Variants in GSDMC observed in about 807,000 individuals in gnomAD.
The protein encoded by GSDMC is gasdermin C.
GSDMC carries 59 observed loss-of-function variants against 58.0 expected under a neutral mutation model. The observed-to-expected ratio is 1.02, with a 90% CI of 0.82 to 1.26. The LOEUF is 1.26. Among genes scored for constraint, GSDMC ranks in the 50% most tolerant of loss-of-function variants. The pLI, the probability that GSDMC is intolerant of heterozygous loss-of-function variation, is 0.00. For missense variants in GSDMC, 659 were observed against 598.5 expected (o/e 1.10, Z -1.06); for synonymous variants, 241 against 220.2 (o/e 1.09, Z -0.83).
In GSDMC at chr8:129,777,545, C is replaced by G; in HGVS notation, c.43G>C (p.Glu15Gln). Residue 15 changes from glutamate to glutamine, a missense_variant, in exon 2 of 14, where the codon GAG becomes CAG. Physicochemically the swap from Glu to Gln is conservative, Grantham distance 29. Transcript: ENST00000276708. Reference sequence around the variant, plus strand: ...GGTGTCAGGTCTTTGCTTCCAATCTCTTTGACCAAATTTTTGCTAATGCGT... The same window carrying G: ...GGTGTCAGGTCTTTGCTTCCAATCTGTTTGACCAAATTTTTGCTAATGCGT... ...LERISKNLVKEIGSKDLTPVK... is the reference protein window; with the variant it reads ...LERISKNLVKQIGSKDLTPVK... 4 of 1,613,196 alleles carry G rather than the reference C, an allele frequency of 2.5e-6. No homozygotes were observed. The highest frequency in any genetic ancestry group is 3.4e-6 in the Non-Finnish European group (4 of 1,179,502).
intron 4 of GSDMC, 41 bp from the exon 5 acceptor site, chr8:129,762,772 A>G: frequency 7.4e-7 from 1 of 1,350,878 alleles, no homozygotes; most frequent in African/African-American, 1.4e-5. Flanking sequence ...AAATGTATGT[A>G]ATTTTAAAGG....
the GSDMC span, among the ~76,000 whole-genome samples, chr8:129,737,419 CA>C: frequency 1.1e-4 from 16 of 152,206 alleles, no homozygotes; most frequent in Non-Finnish European, 4.4e-5. Context: ...ACCAAAACAG[CA>C]TGGTACTGTT....
chr8:129,717,248 G>C, the GSDMC span, among the ~76,000 whole-genome samples: 1 of 118,228 alleles, frequency 8.5e-6, no homozygotes, highest in Non-Finnish European at 1.6e-5. Context: ...TCTGGTCCTG[G>C]GCTTTTTTTT....
chr8:129,761,809 A>G (rs2033673571), intron 5 of GSDMC, among the ~76,000 whole-genome samples: 1 of 152,128 alleles, frequency 6.6e-6, no homozygotes, highest in South Asian at 2.1e-4. Flanking sequence ...TAACTGAAAG[A>G]CTGGAGACAG....
chr8:129,722,864 C>T, the GSDMC span: 8 of 151,982 alleles, frequency 5.3e-5, no homozygotes, highest in South Asian at 2.1e-4. Flanking sequence ...TTGGGGCCAG[C>T]GAAAATTTTG....
Position 129,777,235 on chromosome 8 carries a change from C to T in GSDMC, c.220+133G>A. 5.1e-6 allele frequency: 3 copies of T among 592,796 alleles called. No homozygotes were observed. The South Asian group carries it at 6.7e-5, about 13-fold the overall frequency. The allele number at this position is 592,796 out of a possible 1,614,324, so 36.7% of individuals were successfully genotyped here. A position where few individuals can be genotyped will look rare whatever the true frequency, so the allele number is the denominator to read the frequency against. On this transcript the variant is annotated intron_variant, in intron 2 of 13. Transcript: ENST00000276708. ...ATTCTCAATTTGTCTTCGTTTCTTG[C>T]CCCTTGCCTATAGGCAAGGCTAATC...
At chr8:129,709,930 T>C in the GSDMC span, among the ~76,000 whole-genome samples, 1 of 152,250 alleles carries the variant, frequency 6.6e-6, no homozygotes, top group African/African-American at 2.4e-5. Context: ...TGGTGTTCTT[T>C]GATCATCTCA....
At chr8:129,752,985 A>G (rs2033277416) in intron 6 of GSDMC, 165 bp from the exon 7 acceptor site, 2 of 1,281,884 alleles carry the variant, frequency 1.6e-6, no homozygotes, top group Non-Finnish European at 1.0e-6. Flanking sequence ...TCCTTCTTTC[A>G]GAACTCAAGT....
chr8:129,748,893 G>T (rs566839861), intron 13 of GSDMC, among the ~76,000 whole-genome samples, 153 bp from the exon 14 acceptor site: 2 of 152,106 alleles, frequency 1.3e-5, no homozygotes, highest in Non-Finnish European at 2.9e-5. Flanking sequence ...CATACCCTAC[G>T]ATCCAAAGAT....
intron 1 of GSDMC, among the ~76,000 whole-genome samples, chr8:129,779,362 A>G (rs2034343815): frequency 6.6e-6 from 1 of 152,204 alleles, no homozygotes; most frequent in South Asian, 2.1e-4. Context: ...TAGAAAACCA[A>G]ATACCACATG....
chr8:129,750,288 T>C, intron 11 of GSDMC, 143 bp downstream of exon 11: 1 of 1,048,718 alleles, frequency 9.5e-7, no homozygotes, highest in East Asian at 2.5e-5. Flanking sequence ...TGGCCCATTG[T>C]GCCCGGCACC....
the GSDMC span, among the ~76,000 whole-genome samples, chr8:129,719,403 G>A: frequency 6.6e-5 from 10 of 152,150 alleles, no homozygotes; most frequent in South Asian, 4.1e-4. Flanking sequence ...AAAAAGAGAC[G>A]TAGAAAAATT....
intron 3 of GSDMC, among the ~76,000 whole-genome samples, chr8:129,768,691 G>A (rs79397039): frequency 0.19 from 29,134 of 152,056 alleles, 2,874 homozygotes; most frequent in African/African-American, 0.22. Context: ...AGAGTGAAAA[G>A]AGATATATGG....
chr8:129,708,843 C>A, the GSDMC span, among the ~76,000 whole-genome samples: 21 of 152,258 alleles, frequency 1.4e-4, no homozygotes, highest in African/African-American at 3.4e-4. Context: ...TCTGGTTCAC[C>A]AGCCAGATGT....
the GSDMC span, among the ~76,000 whole-genome samples, chr8:129,741,249 TTATAA>T: frequency 6.6e-6 from 1 of 152,164 alleles, no homozygotes; most frequent in Non-Finnish European, 1.5e-5. Flanking sequence ...TATAATATCT[TTATAA>T]TATATTTTTA....
chr8:129,736,771 T>C, the GSDMC span, among the ~76,000 whole-genome samples: 2 of 152,212 alleles, frequency 1.3e-5, no homozygotes, highest in African/African-American at 4.8e-5. Context: ...TTCAACATAG[T>C]GTTGGAAGTT....
chr8:129,756,257 C>CAA (rs60890741), intron 6 of GSDMC, among the ~76,000 whole-genome samples: 2 of 149,872 alleles, frequency 1.3e-5, no homozygotes, highest in African/African-American at 2.4e-5. Context: ...TAAGGAGAGA[C>CAA]AAAAAAAGGT....
At chr8:129,741,011 AT>A in the GSDMC span, among the ~76,000 whole-genome samples, 4 of 151,072 alleles carry the variant, frequency 2.6e-5, no homozygotes, top group South Asian at 2.1e-4. Context: ...TTTTGAATTG[AT>A]TTTTTTTTAT....
At chr8:129,745,935 G>A (rs72718319), downstream of GSDMC, among the ~76,000 whole-genome samples, 2,086 of 151,574 alleles carry the variant, frequency 0.014, 33 homozygotes, top group Non-Finnish European at 0.022. Flanking sequence ...GAAAACACAG[G>A]TTTCAATCCA....
Sources: gnomAD v4.1 joint callset for allele counts (sites outside exome capture counted in the v4.1 genomes callset) on GRCh38, gnomAD v4.1.1 for gene constraint, MANE v1.5 for transcripts, NCBI Gene and HGNC (gene_info 2026-07-23, HGNC 2026-07-21) for gene names.